NEDD4L: variants seen among roughly 807,000 people sequenced by gnomAD.
NEDD4L encodes NEDD4 like E3 ubiquitin protein ligase.
In NEDD4L, 54 loss-of-function variants were observed where a neutral mutation model predicts 148.9. The ratio of observed to expected loss-of-function variants is 0.36; its 90% CI spans 0.29 to 0.45. The LOEUF (loss-of-function observed/expected upper bound fraction) is 0.45, where lower values mean the gene tolerates loss of function less well. Among genes scored for constraint, NEDD4L ranks in the 20% least tolerant of loss-of-function variants. The probability of loss-of-function intolerance (pLI) is 1.00; values close to 1 mark genes in which losing one functional copy is unlikely to be tolerated. For missense variants in NEDD4L, 856 were observed against 1,233.8 expected, an observed-to-expected ratio of 0.69 and a Z score of 4.59; for synonymous variants, 433 against 440.7, an observed-to-expected ratio of 0.98 and a Z score of 0.22.
Position 58,341,693 on chromosome 18 carries a change from G to A in NEDD4L, c.1273G>A (p.Ala425Thr). Residue 425 changes from alanine to threonine, a missense_variant, in exon 15 of 31, where the codon GCG (alanine) becomes ACG (threonine). By Grantham distance (58) the Ala-to-Thr change is moderately conservative. Around this residue, in one of 4 missense-constraint regions of NEDD4L, gnomAD observed 367 missense variants for 422.7 expected, o/e 0.87. Transcript: ENST00000400345. ...RPIMQLAEDG[A>T]SGSATNSNNH... is the part of the protein sequence containing the mutation. ...TCCAAAATAGCTTGCAGAAGATGGT[G>A]CGTCCGGATCAGCCACAAACAGTAA... 1 of 1,613,458 alleles carries A rather than the reference G, an allele frequency of 6.2e-7. No homozygotes were observed. Among genetic ancestry groups the A allele is most frequent in the Non-Finnish European group, 8.5e-7 (1 of 1,179,726 alleles).
chr18:58,115,130 G>A (rs904951269), intron 1 of NEDD4L, among the ~76,000 whole-genome samples: 4 of 152,118 alleles, frequency 2.6e-5, no homozygotes, highest in African/African-American at 9.7e-5. Context: ...AACCTTAGGC[G>A]TCTGATATTG....
At position 58,401,030 on chromosome 18, in the gene NEDD4L, G is replaced by A. The variant is rs955147872; in HGVS notation, c.*4761G>A. On this transcript the variant is annotated 3_prime_UTR_variant, in exon 31 of 31. Coordinates refer to ENST00000400345, the MANE Select transcript of NEDD4L (RefSeq NM_001144967.3). ...TAGTCCCTTCTGCAGTTTTCTCCAA[G>A]CTGTGTCCTGTGAATTTCAACCCTT... 5 of 152,128 alleles carry A rather than the reference G, an allele frequency of 3.3e-5. No homozygotes were observed. The highest frequency in any genetic ancestry group is 5.9e-5 in the Non-Finnish European group (4 of 68,040). The allele number at this position is 152,128 out of a possible 1,614,324, so 9.4% of individuals were successfully genotyped here. A position where few individuals can be genotyped will look rare whatever the true frequency, so the allele number is the denominator to read the frequency against.
chr18:58,181,717 A>G (rs2038887027), intron 2 of NEDD4L, among the ~76,000 whole-genome samples: 1 of 152,214 alleles, frequency 6.6e-6, no homozygotes, highest in African/African-American at 2.4e-5. Flanking sequence ...TTCCTCATAT[A>G]GAAAAATATT....
At chr18:58,306,450 A>G (rs2057073433) in intron 5 of NEDD4L, among the ~76,000 whole-genome samples, 1 of 152,032 alleles carries the variant, frequency 6.6e-6, no homozygotes, top group South Asian at 2.1e-4. Flanking sequence ...GGGGATATGG[A>G]GTTGGGGATG....
At position 58,117,197 on chromosome 18, in the gene NEDD4L, C is replaced by T. The variant is rs142227072; in HGVS notation, c.49-48591C>T. ...TCATTTAAGGTCATGGTTCCAGACA[C>T]TAATGTAAATCAGCACATATATTAT... On this transcript the variant is annotated intron_variant, in intron 1 of 30. Coordinates refer to ENST00000400345, the MANE Select transcript of NEDD4L (RefSeq NM_001144967.3). Among the ~76,000 whole-genome samples, 1,347 of 152,324 alleles carry T rather than the reference C, an allele frequency of 8.8e-3. 8 individuals are homozygous for T. The highest frequency in any genetic ancestry group is 0.014 in the Non-Finnish European group (961 of 68,032).
At chr18:58,064,631 C>G (rs2082509585) in intron 1 of NEDD4L, among the ~76,000 whole-genome samples, 1 of 152,200 alleles carries the variant, frequency 6.6e-6, no homozygotes, top group Non-Finnish European at 1.5e-5. Flanking sequence ...GCTGGAGACA[C>G]AGCAGAACTA....
intron 2 of NEDD4L, chr18:58,195,775 A>G (rs753658932): frequency 8.3e-7 from 1 of 1,199,298 alleles, no homozygotes; most frequent in Non-Finnish European, 1.1e-6. Flanking sequence ...TTACTCGATT[A>G]GTGCCCACAG....
At chr18:58,260,478 T>A (rs1180522060) in intron 5 of NEDD4L, among the ~76,000 whole-genome samples, 2 of 151,650 alleles carry the variant, frequency 1.3e-5, no homozygotes, top group East Asian at 3.9e-4. Flanking sequence ...GAAGAATGCT[T>A]TGTTTATTTC....
At chr18:58,072,901 C>CAA in intron 1 of NEDD4L, among the ~76,000 whole-genome samples, 1 of 147,744 alleles carries the variant, frequency 6.8e-6, no homozygotes, top group African/African-American at 2.7e-5. Flanking sequence ...CACACACACA[C>CAA]ACACAAATCT....
chr18:58,294,748 G>A (rs1276000430), intron 5 of NEDD4L, among the ~76,000 whole-genome samples: 11 of 151,394 alleles, frequency 7.3e-5, no homozygotes, highest in South Asian at 2.1e-4. Flanking sequence ...TTGAACTCCC[G>A]GGCCTCAGGC....
intron 2 of NEDD4L, among the ~76,000 whole-genome samples, chr18:58,198,567 G>A (rs1033323710): frequency 6.6e-6 from 1 of 152,052 alleles, no homozygotes; most frequent in African/African-American, 2.4e-5. Flanking sequence ...AGTGGTCATG[G>A]GTTATCTGTC....
intron 5 of NEDD4L, among the ~76,000 whole-genome samples, chr18:58,278,055 G>A (rs768484857): frequency 7.2e-5 from 11 of 151,836 alleles, no homozygotes; most frequent in Non-Finnish European, 8.8e-5. Flanking sequence ...TTCGCCTTCC[G>A]TGTCATTGTT....
chr18:58,110,851 A>G (rs2085375284), intron 1 of NEDD4L, among the ~76,000 whole-genome samples: 1 of 152,314 alleles, frequency 6.6e-6, no homozygotes, highest in South Asian at 2.1e-4. Flanking sequence ...CAGGCAGACA[A>G]ATATAGCTAG....
At chr18:58,387,940 C>A (rs148097228) in intron 27 of NEDD4L, 51 of 154,348 alleles carry the variant, frequency 3.3e-4, no homozygotes, top group Middle Eastern at 3.2e-3. Context: ...TCCACCCCCA[C>A]CGTGGCAGCC....
intron 5 of NEDD4L, among the ~76,000 whole-genome samples, chr18:58,272,052 G>A (rs1023058368): frequency 6.6e-6 from 1 of 152,128 alleles, no homozygotes; most frequent in Non-Finnish European, 1.5e-5. Context: ...CAAAATTTAT[G>A]AAAAATAGAA....
Position 58,390,743 on chromosome 18 carries a change from G to A in NEDD4L, c.2752+1G>A. On this transcript the variant is annotated splice_donor_variant, in intron 29 of 30. Transcript: ENST00000400345. LOFTEE classifies it high-confidence loss of function. ...ATGAATGGATTTGCCGAACTTTATG[G>A]TGAGCAGGATACCATTGGATTCAGT... 1 of 1,582,728 alleles carries A rather than the reference G, an allele frequency of 6.3e-7. No individual in the cohort carries two copies. Among genetic ancestry groups the A allele is most frequent in the Non-Finnish European group, 8.6e-7 (1 of 1,160,794 alleles).
intron 1 of NEDD4L, among the ~76,000 whole-genome samples, chr18:58,139,301 C>T (rs1282449240): frequency 1.3e-5 from 2 of 151,346 alleles, no homozygotes; most frequent in East Asian, 1.9e-4. Context: ...CTCCCCCGAC[C>T]CCCGCCCCAT....
Position 58,400,885 on chromosome 18 carries a change from C to T in NEDD4L, c.*4616C>T, listed in dbSNP as rs919097220. 1 of 152,170 alleles carries T rather than the reference C, an allele frequency of 6.6e-6. No individual in the cohort carries two copies. The highest frequency in any genetic ancestry group is 2.4e-5 in the African/African-American group (1 of 41,410). 9.4% of individuals were successfully genotyped at this position (152,170 alleles called of 1,614,324 possible). The stretch of plus-strand genomic sequence containing the variant: ...GCGTGACTTTGTTCTTCCTTTACTA[C>T]TCTGTATGTAATATATATACATATA... On this transcript the variant is annotated 3_prime_UTR_variant, in exon 31 of 31. Transcript: ENST00000400345.
intron 1 of NEDD4L, among the ~76,000 whole-genome samples, chr18:58,081,748 G>A (rs909720045): frequency 5.9e-5 from 9 of 151,916 alleles, no homozygotes; most frequent in African/African-American, 1.9e-4. Context: ...TCCCTGCTTC[G>A]GAGCACTTAC....
Sources: allele counts gnomAD v4.1 joint callset (sites outside exome capture counted in the v4.1 genomes callset), GRCh38; gene constraint gnomAD v4.1.1; regional missense constraint gnomAD v4.1.1; transcripts MANE v1.5; gene names NCBI Gene and HGNC (gene_info 2026-07-23, HGNC 2026-07-21).